SOX5: variants seen among roughly 807,000 people sequenced by gnomAD.
SOX5 encodes the protein transcription factor SOX-5.
A neutral mutation model predicts 92.0 loss-of-function variants in SOX5; 9 were observed. The observed-to-expected ratio is 0.10, with a 90% CI of 0.06 to 0.17. The LOEUF (loss-of-function observed/expected upper bound fraction) is 0.17. SOX5 is among the 10% of genes least tolerant of loss of function. The pLI, the probability that SOX5 is intolerant of heterozygous loss-of-function variation, is 1.00. For synonymous variants in SOX5, 344 were observed against 336.3 expected (o/e 1.02, Z -0.25); for missense variants, 642 against 944.5 (o/e 0.68, Z 4.20).
chr12:24,083,956 G>A (rs1344522778), intron 4 of SOX5, among the ~76,000 whole-genome samples: 2 of 151,980 alleles, frequency 1.3e-5, no homozygotes, highest in East Asian at 3.9e-4. Context: ...TAGAGAACTA[G>A]AAAAACAAAT....
intron 8 of SOX5, among the ~76,000 whole-genome samples, chr12:23,636,731 A>G (rs567040494): frequency 1.3e-5 from 2 of 152,168 alleles, no homozygotes; most frequent in African/African-American, 4.8e-5. Context: ...AAGCACACAG[A>G]GTATTTGTAT....
chr12:24,123,787 A>T (rs560760373), intron 4 of SOX5, among the ~76,000 whole-genome samples: 1 of 152,232 alleles, frequency 6.6e-6, no homozygotes, highest in Non-Finnish European at 1.5e-5. Flanking sequence ...TGTGTGTACC[A>T]AAGCAAACTG....
chr12:24,131,583 A>T (rs1949651810), intron 4 of SOX5, among the ~76,000 whole-genome samples: 1 of 152,234 alleles, frequency 6.6e-6, no homozygotes, highest in Non-Finnish European at 1.5e-5. Flanking sequence ...AATATGCAGC[A>T]TTAACTTTAC....
At chr12:24,293,351 G>A (rs1218065448) in intron 2 of SOX5, among the ~76,000 whole-genome samples, 2 of 152,190 alleles carry the variant, frequency 1.3e-5, no homozygotes, top group African/African-American at 4.8e-5. Context: ...CCTGCCTGTG[G>A]TTTTCACCAA....
intron 1 of SOX5, among the ~76,000 whole-genome samples, chr12:24,542,665 TTAAC>T (rs1223115241): frequency 6.6e-6 from 1 of 152,172 alleles, no homozygotes; most frequent in Non-Finnish European, 1.5e-5. Context: ...ATCATGAAAA[TTAAC>T]TAAATATGAC....
At chr12:23,720,656 T>C (rs2092764583) in intron 6 of SOX5, among the ~76,000 whole-genome samples, 1 of 152,156 alleles carries the variant, frequency 6.6e-6, no homozygotes. Flanking sequence ...GAAATATATG[T>C]TGTTAAAGTT....
At chr12:24,244,091 A>G (rs900161629) in intron 3 of SOX5, among the ~76,000 whole-genome samples, 2 of 151,958 alleles carry the variant, frequency 1.3e-5, no homozygotes, top group East Asian at 3.9e-4. Context: ...TTTTACACCA[A>G]ATCATAATTT....
intron 4 of SOX5, among the ~76,000 whole-genome samples, chr12:24,062,537 C>T (rs1939931645): frequency 6.6e-6 from 1 of 152,184 alleles, no homozygotes; most frequent in African/African-American, 2.4e-5. Context: ...CAGACCATTA[C>T]TATAGACCGG....
At chr12:24,457,836 T>C (rs558820976) in intron 1 of SOX5, among the ~76,000 whole-genome samples, 5 of 152,254 alleles carry the variant, frequency 3.3e-5, no homozygotes, top group Admixed American at 1.3e-4. Context: ...CTATCACTGG[T>C]TTTACTTTAT....
At chr12:24,126,543 C>T (rs1402372945) in intron 4 of SOX5, among the ~76,000 whole-genome samples, 1 of 152,232 alleles carries the variant, frequency 6.6e-6, no homozygotes, top group Non-Finnish European at 1.5e-5. Context: ...AGTTTTCAAT[C>T]TGCCACTTCT....
At chr12:23,970,787 T>A (rs1278106559) in intron 4 of SOX5, among the ~76,000 whole-genome samples, 2 of 127,672 alleles carry the variant, frequency 1.6e-5, no homozygotes, top group Non-Finnish European at 3.3e-5. Context: ...TTCTTTTGGG[T>A]ATATAACTAA....
chr12:23,712,624 A>G (rs2092157604), intron 6 of SOX5, among the ~76,000 whole-genome samples: 1 of 152,228 alleles, frequency 6.6e-6, no homozygotes, highest in Non-Finnish European at 1.5e-5. Flanking sequence ...AAGTGTATGC[A>G]ACTAAGTGTG....
At chr12:23,686,257 T>C (rs1202042601) in intron 6 of SOX5, among the ~76,000 whole-genome samples, 1 of 152,140 alleles carries the variant, frequency 6.6e-6, no homozygotes, top group African/African-American at 2.4e-5. Context: ...TGAAAAAAAA[T>C]TGTCTATATC....
chr12:23,863,767 A>C (rs1294921267), intron 2 of SOX5, among the ~76,000 whole-genome samples: 1 of 149,430 alleles, frequency 6.7e-6, no homozygotes, highest in African/African-American at 2.5e-5. Flanking sequence ...TATTTTGTCA[A>C]CTCCTAAATA....
intron 2 of SOX5, among the ~76,000 whole-genome samples, chr12:23,878,504 T>A (rs1316304060): frequency 6.6e-6 from 1 of 152,084 alleles, no homozygotes; most frequent in Non-Finnish European, 1.5e-5. Flanking sequence ...CTTGGTCTGA[T>A]AATAAAAATG....
chr12:24,400,804 TG>T (rs1961346944), intron 1 of SOX5, among the ~76,000 whole-genome samples: 1 of 152,210 alleles, frequency 6.6e-6, no homozygotes. Context: ...AAATAAGGTA[TG>T]TGACAGAACT....
Position 24,331,848 on chromosome 12 carries a change from C to CAAAAAAAAAAAAAAAAAA in SOX5, c.-174+36697_-174+36714dup, listed in dbSNP as rs10627494. 1.3e-4 allele frequency among the ~76,000 whole-genome samples: 4 copies of CAAAAAAAAAAAAAAAAAA among 31,658 alleles called. 1 individual carries two copies. The highest frequency in any genetic ancestry group is 2.1e-4 in the Non-Finnish European group (4 of 19,206). The allele number at this position is 31,658 out of a possible 152,430, so 20.8% of individuals were successfully genotyped here. ...GCCTGGGAACAGAGCAAGACTGTCT[C>CAAAAAAAAAAAAAAAAAA]AAAAAAAAAAAAAAAAAAAAAAAAA... On this transcript the variant is annotated intron_variant, in intron 2 of 4. Coordinates refer to the SOX5 transcript ENST00000446891.
intron 4 of SOX5, among the ~76,000 whole-genome samples, chr12:23,977,899 G>A (rs988278665): frequency 3.9e-5 from 6 of 152,068 alleles, no homozygotes; most frequent in Non-Finnish European, 8.8e-5. Flanking sequence ...TTGTTCGCTG[G>A]CCTGGTTAGG....
chr12:24,427,348 C>T (rs185165750), intron 1 of SOX5, among the ~76,000 whole-genome samples: 79 of 152,260 alleles, frequency 5.2e-4, no homozygotes, highest in African/African-American at 1.5e-3. Flanking sequence ...ACTTATTTAA[C>T]GGGGTGGAAG....
Sources: allele counts gnomAD v4.1 joint callset (sites outside exome capture counted in the v4.1 genomes callset), GRCh38; gene constraint gnomAD v4.1.1; transcripts MANE v1.5; gene names NCBI Gene and HGNC (gene_info 2026-07-23, HGNC 2026-07-21).